The following LRMDA variants were observed in gnomAD, a reference collection of about 807,000 sequenced individuals.
LRMDA encodes leucine rich melanocyte differentiation associated.
A neutral mutation model predicts 29.8 loss-of-function variants in LRMDA; 18 were observed. The ratio of observed to expected loss-of-function variants is 0.60; its 90% CI spans 0.42 to 0.90. The LOEUF (loss-of-function observed/expected upper bound fraction) is 0.90, where lower values mean the gene tolerates loss of function less well. Among genes scored for constraint, LRMDA ranks in the 40% least tolerant of loss-of-function variants. The pLI is 0.00. For synonymous variants in LRMDA, 125 were observed against 109.4 expected, an observed-to-expected ratio of 1.14 and a Z score of -0.89; for missense variants, 273 against 273.9, an observed-to-expected ratio of 1.00 and a Z score of 0.02.
intron 2 of LRMDA, among the ~76,000 whole-genome samples, chr10:75,587,632 G>A (rs1840672895): frequency 6.6e-6 from 1 of 152,228 alleles, no homozygotes; most frequent in Admixed American, 6.5e-5. Context: ...GACTATGGCA[G>A]TTGATGACGT....
intron 2 of LRMDA, among the ~76,000 whole-genome samples, chr10:75,793,857 C>T (rs1843608109): frequency 6.6e-6 from 1 of 152,130 alleles, no homozygotes; most frequent in Non-Finnish European, 1.5e-5. Context: ...GGTTTTTAAG[C>T]CAGGGGTCAG....
chr10:76,420,878 T>A (rs1261410848), intron 6 of LRMDA, among the ~76,000 whole-genome samples: 1 of 152,170 alleles, frequency 6.6e-6, no homozygotes, highest in African/African-American at 2.4e-5. Context: ...GGTCAGAGAA[T>A]ATACTTGGCA....
intron 2 of LRMDA, among the ~76,000 whole-genome samples, chr10:75,964,974 G>A (rs1315038322): frequency 6.6e-6 from 1 of 152,100 alleles, no homozygotes; most frequent in Non-Finnish European, 1.5e-5. Context: ...CCATGTTGGC[G>A]AGGCTGGTCT....
intron 4 of LRMDA, among the ~76,000 whole-genome samples, chr10:76,053,235 C>A (rs770899480): frequency 4.3e-4 from 65 of 152,262 alleles, no homozygotes; most frequent in Admixed American, 7.8e-4. Context: ...CTGATTGAAC[C>A]ATCAATAGCT....
intron 6 of LRMDA, among the ~76,000 whole-genome samples, chr10:76,335,775 C>T (rs1043454769): frequency 2.0e-5 from 3 of 152,046 alleles, no homozygotes; most frequent in African/African-American, 7.2e-5. Context: ...TTGTAGAAAC[C>T]AAGGCATTAT....
chr10:76,545,181 GTTT>G (rs11291434), intron 6 of LRMDA, among the ~76,000 whole-genome samples: 50 of 140,520 alleles, frequency 3.6e-4, no homozygotes, highest in East Asian at 8.3e-4. Flanking sequence ...TTTTTATTTT[GTTT>G]TTTTTTTTTT....
At chr10:76,323,338 T>C (rs1447688041) in intron 5 of LRMDA, among the ~76,000 whole-genome samples, 1 of 152,184 alleles carries the variant, frequency 6.6e-6, no homozygotes, top group African/African-American at 2.4e-5. Flanking sequence ...GTAATCTCTT[T>C]GGAGAAAAGG....
intron 5 of LRMDA, among the ~76,000 whole-genome samples, chr10:76,176,264 G>A (rs973068273): frequency 2.0e-5 from 3 of 152,158 alleles, no homozygotes; most frequent in African/African-American, 7.2e-5. Context: ...TCTATCAAAA[G>A]GGGAATCTTT....
At chr10:76,203,277 T>A (rs1851466708) in intron 5 of LRMDA, among the ~76,000 whole-genome samples, 2 of 152,148 alleles carry the variant, frequency 1.3e-5, no homozygotes, top group South Asian at 2.1e-4. Context: ...ATGAGAAGAA[T>A]GGAGCAAATA....
chr10:75,843,128 C>A (rs1234662722), intron 2 of LRMDA, among the ~76,000 whole-genome samples: 2 of 152,288 alleles, frequency 1.3e-5, no homozygotes, highest in Non-Finnish European at 2.9e-5. Context: ...TTTCCTTGGG[C>A]CTGGCACAAT....
chr10:75,603,734 C>T (rs192472754), intron 2 of LRMDA, among the ~76,000 whole-genome samples: 48 of 152,264 alleles, frequency 3.2e-4, no homozygotes, highest in African/African-American at 9.9e-4. Context: ...AAGAATTCTT[C>T]CCATGGCAAT....
At chr10:75,538,131 A>G (rs1348232739) in intron 2 of LRMDA, among the ~76,000 whole-genome samples, 1 of 152,180 alleles carries the variant, frequency 6.6e-6, no homozygotes, top group Non-Finnish European at 1.5e-5. Flanking sequence ...TTGCAAATGA[A>G]ACCTGAAGCT....
At chr10:76,058,871 GT>G in intron 5 of LRMDA, 88 bp downstream of exon 5, 1 of 1,019,772 alleles carries the variant, frequency 9.8e-7, no homozygotes, top group Non-Finnish European at 1.5e-6. Context: ...TCCTCTGAGT[GT>G]TTAGAATGCA....
chr10:76,288,540 A>G (rs573346979), intron 5 of LRMDA, among the ~76,000 whole-genome samples: 2 of 152,272 alleles, frequency 1.3e-5, no homozygotes, highest in Non-Finnish European at 2.9e-5. Context: ...ATATAATTAA[A>G]CTAAAGAGCT....
intron 2 of LRMDA, among the ~76,000 whole-genome samples, chr10:76,000,673 T>G (rs1221464206): frequency 6.6e-6 from 1 of 152,198 alleles, no homozygotes; most frequent in Non-Finnish European, 1.5e-5. Context: ...CCTGTGCATC[T>G]GTGAGAAAGG....
chr10:75,796,868 T>C (rs1021342653), intron 2 of LRMDA, among the ~76,000 whole-genome samples: 5 of 152,212 alleles, frequency 3.3e-5, no homozygotes, highest in Non-Finnish European at 7.3e-5. Context: ...CCCAGTCAAT[T>C]TGATAATATT....
intron 5 of LRMDA, among the ~76,000 whole-genome samples, chr10:76,317,858 G>A (rs1840719671): frequency 6.6e-6 from 1 of 152,170 alleles, no homozygotes; most frequent in South Asian, 2.1e-4. Context: ...ACGGATGTGA[G>A]CTACTGTGCC....
At chr10:75,573,028 G>A (rs961446027) in intron 2 of LRMDA, among the ~76,000 whole-genome samples, 1 of 152,146 alleles carries the variant, frequency 6.6e-6, no homozygotes, top group African/African-American at 2.4e-5. Context: ...TGAGTAAATG[G>A]ACTTCTAGCT....
rs560239091 is a variant in LRMDA at position 75,806,187 on chromosome 10, C to A, written c.132-229821C>A. Reference sequence around the variant, plus strand: ...GGACAGAACTAAGCTGTGAGGGATCCACGCCTATGACCCAAACACCTCCCA... The same window carrying A: ...GGACAGAACTAAGCTGTGAGGGATCAACGCCTATGACCCAAACACCTCCCA... On this transcript the variant is annotated intron_variant, in intron 2 of 6. Transcript: ENST00000611255. Among the ~76,000 whole-genome samples, 227 of 152,260 alleles carry A rather than the reference C, an allele frequency of 1.5e-3. 2 individuals carry two copies. The highest frequency in any genetic ancestry group is 3.4e-3 in the Middle Eastern group (1 of 294).
Sources: allele counts gnomAD v4.1 joint callset (sites outside exome capture counted in the v4.1 genomes callset), GRCh38; gene constraint gnomAD v4.1.1; transcripts MANE v1.5; gene names NCBI Gene and HGNC (gene_info 2026-07-23, HGNC 2026-07-21).